SYT1: variants seen among roughly 807,000 people sequenced by gnomAD.
SYT1 encodes synaptotagmin 1.
Under a neutral mutation model 44.8 loss-of-function variants are expected in SYT1, and 8 were observed. That is an observed-to-expected ratio of 0.18 (90% CI 0.10 to 0.32). The LOEUF (loss-of-function observed/expected upper bound fraction) is 0.32. Among genes scored for constraint, SYT1 ranks in the 10% least tolerant of loss-of-function variants. The pLI, the probability that SYT1 is intolerant of heterozygous loss-of-function variation, is 1.00. For synonymous variants in SYT1, 154 were observed against 188.8 expected (o/e 0.82, Z 1.51); for missense variants, 286 against 509.3 (o/e 0.56, Z 4.22).
At chr12:79,058,172 A>G (rs902367913) in intron 3 of SYT1, among the ~76,000 whole-genome samples, 3 of 152,054 alleles carry the variant, frequency 2.0e-5, no homozygotes, top group African/African-American at 7.2e-5. Flanking sequence ...CTTATGAATG[A>G]GTTATATAAC....
intron 2 of SYT1, among the ~76,000 whole-genome samples, chr12:78,985,302 G>A (rs1254427944): frequency 6.6e-6 from 1 of 151,662 alleles, no homozygotes; most frequent in East Asian, 1.9e-4. Context: ...TCTGAAATAT[G>A]AACACTATCA....
At chr12:78,949,591 TTC>T (rs1255989267) in intron 1 of SYT1, among the ~76,000 whole-genome samples, 2 of 152,134 alleles carry the variant, frequency 1.3e-5, no homozygotes, top group East Asian at 3.9e-4. Context: ...TGGCAAATGT[TTC>T]TGAGTCATTG....
intron 3 of SYT1, among the ~76,000 whole-genome samples, chr12:79,128,084 TAG>T (rs1868559207): frequency 6.6e-6 from 1 of 151,958 alleles, no homozygotes; most frequent in Non-Finnish European, 1.5e-5. Flanking sequence ...GATAATTAGA[TAG>T]AGAGATTAGA....
intron 3 of SYT1, among the ~76,000 whole-genome samples, chr12:79,179,673 G>A (rs866741433): frequency 2.6e-5 from 4 of 151,484 alleles, no homozygotes; most frequent in African/African-American, 7.3e-5. Flanking sequence ...GCCCACTTCC[G>A]CCTCCCAAAG....
At chr12:79,417,171 CT>C (rs1868793220) in intron 9 of SYT1, among the ~76,000 whole-genome samples, 1 of 152,156 alleles carries the variant, frequency 6.6e-6, no homozygotes, top group Non-Finnish European at 1.5e-5. Context: ...AAACCTGTGT[CT>C]TCCTCCTAAT....
chr12:79,197,406 A>G (rs1416369066), intron 3 of SYT1, among the ~76,000 whole-genome samples: 3 of 152,178 alleles, frequency 2.0e-5, no homozygotes, highest in African/African-American at 4.8e-5. Flanking sequence ...ATGGACTAAG[A>G]GTGATGGGCT....
chr12:79,036,446 T>C (rs1240162216), intron 2 of SYT1: 1 of 151,866 alleles, frequency 6.6e-6, no homozygotes. Flanking sequence ...GTCTCAATTA[T>C]ATGACCCTGT....
intron 1 of SYT1, among the ~76,000 whole-genome samples, chr12:78,871,657 T>G (rs915286605): frequency 6.6e-6 from 1 of 151,990 alleles, no homozygotes; most frequent in Non-Finnish European, 1.5e-5. Flanking sequence ...GGTTTTGAGT[T>G]ATCAAGATTA....
intron 1 of SYT1, among the ~76,000 whole-genome samples, chr12:78,956,268 C>T (rs1879211628): frequency 6.6e-6 from 1 of 151,986 alleles, no homozygotes; most frequent in South Asian, 2.1e-4. Context: ...AACATTTTAA[C>T]ATAAGATATT....
At chr12:78,890,411 G>C (rs1565704060) in intron 1 of SYT1, among the ~76,000 whole-genome samples, 1 of 151,828 alleles carries the variant, frequency 6.6e-6, no homozygotes, top group Non-Finnish European at 1.5e-5. Flanking sequence ...AGCGGGGAAG[G>C]ATAGCATTAG....
chr12:79,063,797 C>G (rs1875560861), intron 3 of SYT1, among the ~76,000 whole-genome samples: 1 of 152,118 alleles, frequency 6.6e-6, no homozygotes, highest in South Asian at 2.1e-4. Flanking sequence ...CACTACCCTC[C>G]TCTATCCCCC....
At position 79,312,038 on chromosome 12, in the gene SYT1, AAATT is replaced by A. The variant is rs202243263; in HGVS notation, c.810+12504_810+12507del. ...TGTAATAATAATAAAATAAAAAATA[AAATT>A]AATTAATTAATTAATTTTTAAAAAG... is the stretch of plus-strand genomic sequence containing the variant. On this transcript the variant is annotated intron_variant, in intron 8 of 10. Coordinates refer to ENST00000261205, the MANE Select transcript of SYT1 (RefSeq NM_005639.3). Among the ~76,000 whole-genome samples, 1,053 of 152,060 alleles carry A rather than the reference AAATT, an allele frequency of 6.9e-3. 8 individuals carry two copies. Among genetic ancestry groups the A allele is most frequent in the Middle Eastern group, 0.037 (11 of 294 alleles).
chr12:79,233,493 G>A (rs1242792989), intron 4 of SYT1, among the ~76,000 whole-genome samples: 1 of 152,206 alleles, frequency 6.6e-6, no homozygotes, highest in Non-Finnish European at 1.5e-5. Context: ...ACAAAGCACA[G>A]CAGTTCCTCT....
At chr12:78,920,562 C>A (rs1164785172) in intron 1 of SYT1, among the ~76,000 whole-genome samples, 2 of 54,724 alleles carry the variant, frequency 3.7e-5, no homozygotes. Flanking sequence ...TTTTTATAAA[C>A]TTTTATAACC....
intron 4 of SYT1, among the ~76,000 whole-genome samples, chr12:79,249,340 A>G (rs941404778): frequency 4.6e-5 from 7 of 150,972 alleles, no homozygotes; most frequent in African/African-American, 1.5e-4. Context: ...TCCTGACCTC[A>G]TGATCCACCC....
At chr12:79,233,051 T>C (rs974221659) in intron 4 of SYT1, among the ~76,000 whole-genome samples, 8 of 152,178 alleles carry the variant, frequency 5.3e-5, no homozygotes, top group Non-Finnish European at 1.0e-4. Context: ...TCCCTTTCTT[T>C]CCTCCTTGCC....
chr12:79,370,455 A>G (rs1422329792), intron 9 of SYT1, among the ~76,000 whole-genome samples: 2 of 152,144 alleles, frequency 1.3e-5, no homozygotes, highest in Non-Finnish European at 2.9e-5. Flanking sequence ...AAGCTAGAGG[A>G]AAGTTTATCA....
intron 1 of SYT1, among the ~76,000 whole-genome samples, chr12:78,870,745 C>T (rs1228139309): frequency 6.6e-6 from 1 of 151,942 alleles, no homozygotes; most frequent in Non-Finnish European, 1.5e-5. Flanking sequence ...TTACTTGAGG[C>T]TCATTTCCGC....
chr12:79,341,398 A>T (rs1025842206), intron 8 of SYT1: 5 of 152,024 alleles, frequency 3.3e-5, no homozygotes, highest in African/African-American at 1.2e-4. Flanking sequence ...TTCCAAGGTC[A>T]CTCTGAGGTC....
Sources: gnomAD v4.1 joint callset for allele counts (sites outside exome capture counted in the v4.1 genomes callset) on GRCh38, gnomAD v4.1.1 for gene constraint, MANE v1.5 for transcripts, NCBI Gene and HGNC (gene_info 2026-07-23, HGNC 2026-07-21) for gene names.